AKAP19: variants seen among roughly 807,000 people sequenced by gnomAD.
The protein encoded by AKAP19 is A-kinase anchoring protein 19, also known as small A-kinase anchoring protein.
the AKAP19 span, chr2:189,923,703 T>C: frequency 4.3e-6 from 7 of 1,613,860 alleles, no homozygotes; most frequent in East Asian, 2.2e-5. Context: ...TATGATAGGA[T>C]GTACAGTTAC....
chr2:190,200,052 C>CCTGT, the AKAP19 span: 2 of 1,614,074 alleles, frequency 1.2e-6, no homozygotes, highest in Non-Finnish European at 1.7e-6. Context: ...ATGCACACCG[C>CCTGT]CTGTCTCAGG....
At chr2:189,923,748 G>T in the AKAP19 span, 3 of 1,613,424 alleles carry the variant, frequency 1.9e-6, no homozygotes, top group Middle Eastern at 1.6e-4. Flanking sequence ...CCTATTGCTC[G>T]GGCTGTAGTG....
chr2:190,013,547 G>A, the AKAP19 span, among the ~76,000 whole-genome samples: 5 of 151,378 alleles, frequency 3.3e-5, no homozygotes, highest in African/African-American at 4.9e-5. Context: ...ATGGAGTCTC[G>A]CTCTGTCACC....
chr2:189,940,497 A>T, the AKAP19 span, among the ~76,000 whole-genome samples: 4 of 152,116 alleles, frequency 2.6e-5, no homozygotes, highest in Admixed American at 6.6e-5. Flanking sequence ...AAGATTGCCT[A>T]CAAGATATAG....
the AKAP19 span, among the ~76,000 whole-genome samples, chr2:189,920,532 T>TTCCTAAAGAAC: frequency 6.6e-6 from 1 of 152,248 alleles, no homozygotes; most frequent in Admixed American, 6.5e-5. Context: ...TAGTGTTCTA[T>TTCCTAAAGAAC]TCCTAAAGAA....
At chr2:190,170,225 C>T in the AKAP19 span, among the ~76,000 whole-genome samples, 1 of 152,346 alleles carries the variant, frequency 6.6e-6, no homozygotes, top group Admixed American at 6.5e-5. Context: ...GACCTAATTA[C>T]TTCCCAAAGG....
the AKAP19 span, among the ~76,000 whole-genome samples, chr2:190,198,360 G>T: frequency 6.2e-4 from 94 of 152,218 alleles, no homozygotes; most frequent in African/African-American, 2.2e-3. Context: ...GTGGTTTCAG[G>T]CCAGGCACAG....
the AKAP19 span, chr2:190,200,145 T>C: frequency 6.2e-7 from 1 of 1,613,286 alleles, no homozygotes; most frequent in Non-Finnish European, 8.5e-7. Flanking sequence ...GTGAGGGGCC[T>C]TGAGGCTGTA....
At chr2:190,018,193 C>T in the AKAP19 span, among the ~76,000 whole-genome samples, 1 of 152,022 alleles carries the variant, frequency 6.6e-6, no homozygotes, top group Non-Finnish European at 1.5e-5. Flanking sequence ...TGTGCCTTTC[C>T]CCAGATATAG....
chr2:190,182,104 C>T, the AKAP19 span, among the ~76,000 whole-genome samples: 1 of 152,180 alleles, frequency 6.6e-6, no homozygotes, highest in Non-Finnish European at 1.5e-5. Context: ...TTATTATCTC[C>T]TCTGTAGCAC....
the AKAP19 span, chr2:189,930,412 T>C: frequency 7.1e-6 from 2 of 280,800 alleles, no homozygotes; most frequent in Non-Finnish European, 1.4e-5. Context: ...GCGCGGTGGC[T>C]TCACGCCTGT....
At chr2:190,070,234 G>A in the AKAP19 span, among the ~76,000 whole-genome samples, 1 of 152,082 alleles carries the variant, frequency 6.6e-6, no homozygotes, top group Admixed American at 6.5e-5. Flanking sequence ...TACTTTTGAA[G>A]CCCATTTGCT....
the AKAP19 span, among the ~76,000 whole-genome samples, chr2:189,994,202 G>C: frequency 6.6e-6 from 1 of 152,030 alleles, no homozygotes. Flanking sequence ...AGTAGAGACA[G>C]GGTTTCACTA....
the AKAP19 span, among the ~76,000 whole-genome samples, chr2:189,921,181 C>G: frequency 6.6e-6 from 1 of 152,112 alleles, no homozygotes; most frequent in Non-Finnish European, 1.5e-5. Flanking sequence ...TGTAACCACA[C>G]CATACTTTCT....
At chr2:190,035,325 G>A in the AKAP19 span, among the ~76,000 whole-genome samples, 1 of 152,034 alleles carries the variant, frequency 6.6e-6, no homozygotes, top group Admixed American at 6.6e-5. Flanking sequence ...CAGCTACTCA[G>A]GAGGCTGAGG....
the AKAP19 span, among the ~76,000 whole-genome samples, chr2:190,128,450 G>C: frequency 5.3e-5 from 8 of 152,200 alleles, no homozygotes; most frequent in Admixed American, 5.2e-4. Flanking sequence ...CTATGGTCTT[G>C]ACACAGGGCA....
At chr2:190,012,526 A>G in the AKAP19 span, among the ~76,000 whole-genome samples, 1 of 152,186 alleles carries the variant, frequency 6.6e-6, no homozygotes, top group African/African-American at 2.4e-5. Context: ...TGGAGCTATT[A>G]GGGTTTTCTG....
chr2:189,923,838 G>C, the AKAP19 span: 1 of 1,610,596 alleles, frequency 6.2e-7, no homozygotes, highest in Non-Finnish European at 8.5e-7. Context: ...GGACAGCGGG[G>C]ATCTTCCAAG....
the AKAP19 span, among the ~76,000 whole-genome samples, chr2:189,956,355 G>C: frequency 6.7e-6 from 1 of 149,982 alleles, no homozygotes; most frequent in Non-Finnish European, 1.5e-5. Context: ...ATTTTTAGTA[G>C]AGACGGGGTT....
Sources: gnomAD v4.1 joint callset for allele counts (sites outside exome capture counted in the v4.1 genomes callset) on GRCh38, gnomAD v4.1.1 for gene constraint, MANE v1.5 for transcripts, NCBI Gene and HGNC (gene_info 2026-07-23, HGNC 2026-07-21) for gene names.